The following EIPR1 variants were observed in gnomAD, a reference collection of about 807,000 sequenced individuals.
The protein encoded by EIPR1 is EARP complex and GARP complex interacting protein 1.
A neutral mutation model predicts 48.1 loss-of-function variants in EIPR1; 25 were observed. The observed-to-expected ratio is 0.52, with a 90% CI of 0.38 to 0.73. The LOEUF is 0.73. Among genes scored for constraint, EIPR1 ranks in the 30% least tolerant of loss-of-function variants. The pLI is 0.00. For missense variants in EIPR1, 415 were observed against 506.2 expected, an observed-to-expected ratio of 0.82 and a Z score of 1.73; for synonymous variants, 204 against 201.9, an observed-to-expected ratio of 1.01 and a Z score of -0.09.
chr2:3,229,180 C>A (rs886780706), intron 4 of EIPR1, among the ~76,000 whole-genome samples: 2 of 152,068 alleles, frequency 1.3e-5, no homozygotes, highest in African/African-American at 4.8e-5. Context: ...GTAAAATCAA[C>A]CAGAAAAGAT....
intron 3 of EIPR1, among the ~76,000 whole-genome samples, chr2:3,281,260 G>T (rs1340317395): frequency 6.6e-6 from 1 of 151,714 alleles, no homozygotes; most frequent in East Asian, 1.9e-4. Context: ...GTGGTGGCTG[G>T]GACCTGCCCT....
At chr2:3,340,415 C>T (rs899613107) in intron 2 of EIPR1, among the ~76,000 whole-genome samples, 1 of 152,228 alleles carries the variant, frequency 6.6e-6, no homozygotes, top group Non-Finnish European at 1.5e-5. Context: ...ACTGAAGTTT[C>T]CACAGCAGGT....
intron 1 of EIPR1, among the ~76,000 whole-genome samples, chr2:3,357,831 G>T (rs1233133824): frequency 4.6e-5 from 7 of 152,074 alleles, no homozygotes; most frequent in African/African-American, 1.7e-4. Flanking sequence ...GTGAGCCAAG[G>T]AATGTGGGTG....
At chr2:3,327,061 CAG>C (rs1363593352) in intron 3 of EIPR1, among the ~76,000 whole-genome samples, 1 of 152,228 alleles carries the variant, frequency 6.6e-6, no homozygotes, top group Non-Finnish European at 1.5e-5. Flanking sequence ...AGACAGGAAA[CAG>C]GGAGACAAGT....
At chr2:3,226,133 T>G (rs960127009) in intron 4 of EIPR1, among the ~76,000 whole-genome samples, 2 of 152,270 alleles carry the variant, frequency 1.3e-5, no homozygotes, top group African/African-American at 4.8e-5. Flanking sequence ...GCTAATGATT[T>G]CATTTCCTTT....
intron 3 of EIPR1, among the ~76,000 whole-genome samples, chr2:3,296,684 C>T (rs1315890072): frequency 7.3e-5 from 11 of 150,172 alleles, no homozygotes; most frequent in African/African-American, 2.7e-4. Flanking sequence ...CCATCCAGCC[C>T]GTCCTCTCTC....
intron 3 of EIPR1, among the ~76,000 whole-genome samples, chr2:3,336,179 A>C (rs1485701960): frequency 6.6e-6 from 1 of 152,230 alleles, no homozygotes; most frequent in East Asian, 1.9e-4. Context: ...TCTTAGCAGG[A>C]GACCAAGGCA....
At chr2:3,222,352 G>T (rs952205179) in intron 4 of EIPR1, among the ~76,000 whole-genome samples, 1 of 152,212 alleles carries the variant, frequency 6.6e-6, no homozygotes, top group South Asian at 2.1e-4. Flanking sequence ...TGGGCCAAGG[G>T]ATATACTTCT....
intron 3 of EIPR1, among the ~76,000 whole-genome samples, chr2:3,264,048 G>C (rs1667414701): frequency 6.6e-6 from 1 of 152,090 alleles, no homozygotes. Flanking sequence ...ATGATACATT[G>C]TTACTAACTG....
At chr2:3,327,173 A>G (rs1669723111) in intron 3 of EIPR1, among the ~76,000 whole-genome samples, 1 of 152,136 alleles carries the variant, frequency 6.6e-6, no homozygotes, top group African/African-American at 2.4e-5. Flanking sequence ...TATGCCATAG[A>G]TGTCATGTCA....
chr2:3,299,653 C>CACAT lies in EIPR1; in HGVS notation c.259+38363_259+38364insATGT, dbSNP rs1447671807. 2.0e-5 allele frequency among the ~76,000 whole-genome samples: 3 copies of CACAT among 151,834 alleles called. No homozygotes were observed. In the East Asian group the frequency reaches 5.8e-4, roughly 29 times the overall value. ...ACACACACACACACACACACACACA[C>CACAT]ACACACTTTGAGTTATGGCCATACG... On this transcript the variant is annotated intron_variant, in intron 3 of 8. Coordinates refer to ENST00000382125, the MANE Select transcript of EIPR1 (RefSeq NM_003310.5).
chr2:3,272,377 TG>T (rs1667725367), intron 3 of EIPR1, among the ~76,000 whole-genome samples: 1 of 152,262 alleles, frequency 6.6e-6, no homozygotes, highest in African/African-American at 2.4e-5. Context: ...CTTCAGCTTT[TG>T]GCTGAAACTT....
chr2:3,239,196 G>A (rs564571625), intron 4 of EIPR1, among the ~76,000 whole-genome samples: 228 of 152,334 alleles, frequency 1.5e-3, no homozygotes, highest in Non-Finnish European at 2.6e-3. Flanking sequence ...TGGGACCTCT[G>A]GGGACAGGCC....
chr2:3,287,121 C>T (rs375789512), intron 3 of EIPR1, among the ~76,000 whole-genome samples: 4 of 152,352 alleles, frequency 2.6e-5, no homozygotes, highest in African/African-American at 9.6e-5. Context: ...CCAGCTGCAG[C>T]ACCAAGCTCG....
At chr2:3,232,108 C>T (rs756357411) in intron 4 of EIPR1, among the ~76,000 whole-genome samples, 6 of 152,120 alleles carry the variant, frequency 3.9e-5, no homozygotes, top group South Asian at 2.1e-4. Flanking sequence ...AATTTGTTTA[C>T]GCATAATTGT....
Position 3,353,445 on chromosome 2 carries a change from C to A in EIPR1, c.126+1105G>T, listed in dbSNP as rs923718221. 4.7e-5 allele frequency: 18 copies of A among 383,130 alleles called. No individual in the cohort carries two copies. The Admixed American group carries it at 6.0e-4, about 13-fold the overall frequency. The allele number at this position is 383,130 out of a possible 1,614,324, so 23.7% of individuals were successfully genotyped here. A position where few individuals can be genotyped will look rare whatever the true frequency, so the allele number is the denominator to read the frequency against. ...TTAAGTTGTCATGTTTCTTAGGAGTCTATAACTTTTAATGAGTGTAATAAG... is the reference window on the plus strand; with the variant it reads ...TTAAGTTGTCATGTTTCTTAGGAGTATATAACTTTTAATGAGTGTAATAAG... On this transcript the variant is annotated intron_variant, in intron 2 of 8. Coordinates refer to ENST00000382125, the MANE Select transcript of EIPR1 (RefSeq NM_003310.5).
At chr2:3,193,420 T>C (rs1229852098) in intron 7 of EIPR1, among the ~76,000 whole-genome samples, 1 of 152,266 alleles carries the variant, frequency 6.6e-6, no homozygotes, top group Non-Finnish European at 1.5e-5. Context: ...CTCACACTTG[T>C]GTACACCCGT....
intron 4 of EIPR1, among the ~76,000 whole-genome samples, chr2:3,235,462 A>ACCCCC (rs377086547): frequency 8.6e-5 from 13 of 151,652 alleles, no homozygotes; most frequent in South Asian, 2.1e-4. Context: ...ACACACACAC[A>ACCCCC]CCCCCCAATA....
intron 3 of EIPR1, among the ~76,000 whole-genome samples, chr2:3,335,996 C>T (rs1986479): frequency 0.2 from 30,978 of 152,074 alleles, 4,927 homozygotes; most frequent in East Asian, 0.58. Context: ...AGGCCGAGGA[C>T]GGGCCACACT....
Sources: gnomAD v4.1 joint callset for allele counts (sites outside exome capture counted in the v4.1 genomes callset) on GRCh38, gnomAD v4.1.1 for gene constraint, MANE v1.5 for transcripts, NCBI Gene and HGNC (gene_info 2026-07-23, HGNC 2026-07-21) for gene names.